CNTNAP2: variants seen among roughly 807,000 people sequenced by gnomAD.
The protein encoded by CNTNAP2 is contactin-associated protein-like 2.
CNTNAP2 carries 98 observed loss-of-function variants against 155.2 expected under a neutral mutation model. The observed-to-expected ratio is 0.63, with a 90% CI of 0.54 to 0.75. CNTNAP2 has a LOEUF of 0.75. Ranked by LOEUF, CNTNAP2 falls within the 30% of genes least tolerant of loss-of-function variation. CNTNAP2 has a pLI of 0.00. For synonymous variants in CNTNAP2, 651 were observed against 631.2 expected, an observed-to-expected ratio of 1.03 and a Z score of -0.47; for missense variants, 1,727 against 1,688.1, an observed-to-expected ratio of 1.02 and a Z score of -0.40.
Position 146,225,605 on chromosome 7 carries a change from C to T in CNTNAP2, c.97+108632C>T, listed in dbSNP as rs117234425. On this transcript the variant is annotated intron_variant, in intron 1 of 23. Coordinates refer to ENST00000361727, the MANE Select transcript of CNTNAP2 (RefSeq NM_014141.6). ...TTCTACATATTATGTGCCAGGGAGA[C>T]GTTAGGCATTAGCAGTGCACAGACA... is the stretch of plus-strand genomic sequence containing the variant. Among the ~76,000 whole-genome samples the T allele has an allele frequency of 3.0e-3, 450 of 152,260 alleles. 1 individual carries two copies. The highest frequency in any genetic ancestry group is 5.1e-3 in the Non-Finnish European group (349 of 68,020).
At chr7:146,474,640 A>G (rs1796847997) in intron 1 of CNTNAP2, among the ~76,000 whole-genome samples, 1 of 152,186 alleles carries the variant, frequency 6.6e-6, no homozygotes, top group Non-Finnish European at 1.5e-5. Flanking sequence ...ATCTGAAAAT[A>G]GCACAGACTT....
At chr7:146,775,161 G>C (rs1802367134) in intron 2 of CNTNAP2, among the ~76,000 whole-genome samples, 1 of 152,130 alleles carries the variant, frequency 6.6e-6, no homozygotes. Flanking sequence ...GGCTTCGGTG[G>C]AGAGGGAGAA....
intron 8 of CNTNAP2, among the ~76,000 whole-genome samples, chr7:147,200,970 T>A (rs1802910292): frequency 6.6e-6 from 1 of 152,230 alleles, no homozygotes; most frequent in South Asian, 2.1e-4. Context: ...CATGTTAGTG[T>A]TTTAATATTG....
At chr7:146,762,404 G>A (rs572491753) in intron 1 of CNTNAP2, among the ~76,000 whole-genome samples, 1 of 152,142 alleles carries the variant, frequency 6.6e-6, no homozygotes, top group South Asian at 2.1e-4. Context: ...TTTGAGACCA[G>A]CCTGGCCAAC....
intron 13 of CNTNAP2, among the ~76,000 whole-genome samples, chr7:147,703,974 C>A (rs548070343): frequency 6.6e-6 from 1 of 152,234 alleles, no homozygotes; most frequent in South Asian, 2.1e-4. Context: ...CTTTCCATGC[C>A]TGGCATATTT....
chr7:146,163,620 C>T lies in CNTNAP2; in HGVS notation c.97+46647C>T, dbSNP rs192168025. Among the ~76,000 whole-genome samples, 598 of 146,338 alleles carry T rather than the reference C, an allele frequency of 4.1e-3. 4 individuals carry two copies. The highest frequency in any genetic ancestry group is 0.018 in the Middle Eastern group (5 of 274). ...ATATATATCAGGGCGTGGTGACAGA[C>T]GCCTGTAATCCTGGCTACTCGGGAA... is the stretch of plus-strand genomic sequence containing the variant. On this transcript the variant is annotated intron_variant, in intron 1 of 23. Transcript: ENST00000361727.
At chr7:147,046,751 C>T (rs554166985) in intron 4 of CNTNAP2, among the ~76,000 whole-genome samples, 26 of 152,094 alleles carry the variant, frequency 1.7e-4, no homozygotes, top group African/African-American at 4.6e-4. Flanking sequence ...AAGTTTAGGC[C>T]GGGCGCGGTG....
At chr7:147,546,047 T>C (rs1267990236) in intron 11 of CNTNAP2, among the ~76,000 whole-genome samples, 1 of 152,112 alleles carries the variant, frequency 6.6e-6, no homozygotes, top group Non-Finnish European at 1.5e-5. Flanking sequence ...GAACAGTGAG[T>C]CAATTAAACC....
chr7:146,205,228 C>T (rs1442604756), intron 1 of CNTNAP2, among the ~76,000 whole-genome samples: 8 of 151,880 alleles, frequency 5.3e-5, no homozygotes, highest in African/African-American at 1.9e-4. Context: ...TAAACAGAGA[C>T]AAGTCAAGTG....
In CNTNAP2 at chr7:147,917,094, C is replaced by T. The variant is rs1032790180; in HGVS notation, c.2255+13373C>T. On this transcript the variant is annotated intron_variant, in intron 14 of 23. Transcript: ENST00000361727. ...GTATTGCAACAATCTTCCAAAATAA[C>T]TTCCAGCCTTAAAACTCTCTTATCC... Among the ~76,000 whole-genome samples the T allele has an allele frequency of 2.0e-5, 3 of 152,234 alleles. No homozygotes were observed. In the East Asian group the frequency reaches 5.8e-4, roughly 29 times the overall value.
intron 23 of CNTNAP2, among the ~76,000 whole-genome samples, chr7:148,413,841 A>G (rs1446310138): frequency 6.6e-6 from 1 of 151,322 alleles, no homozygotes; most frequent in East Asian, 1.9e-4. Flanking sequence ...TCTACTAACA[A>G]CCTTGTCCTT....
At chr7:146,367,739 C>T (rs759439281) in intron 1 of CNTNAP2, among the ~76,000 whole-genome samples, 8 of 152,058 alleles carry the variant, frequency 5.3e-5, no homozygotes, top group African/African-American at 1.2e-4. Flanking sequence ...AATTAATGGA[C>T]ATTTTAATTA....
At chr7:147,951,572 A>G (rs1800930468) in intron 14 of CNTNAP2, among the ~76,000 whole-genome samples, 1 of 152,206 alleles carries the variant, frequency 6.6e-6, no homozygotes, top group African/African-American at 2.4e-5. Flanking sequence ...TGGGAATATA[A>G]GCAGCTGAAT....
At chr7:148,253,047 T>TAGATAGATAGAC (rs750535843) in intron 20 of CNTNAP2, among the ~76,000 whole-genome samples, 11 of 125,556 alleles carry the variant, frequency 8.8e-5, no homozygotes, top group African/African-American at 2.9e-4. Flanking sequence ...GATAGATAGA[T>TAGATAGATAGAC]AGACAGATGA....
At chr7:146,352,402 C>T (rs1417544401) in intron 1 of CNTNAP2, among the ~76,000 whole-genome samples, 1 of 151,990 alleles carries the variant, frequency 6.6e-6, no homozygotes, top group Non-Finnish European at 1.5e-5. Context: ...GAATAGTCAT[C>T]TTTTTAATTT....
chr7:147,033,050 G>A (rs1007921918), intron 3 of CNTNAP2, among the ~76,000 whole-genome samples: 3 of 150,574 alleles, frequency 2.0e-5, no homozygotes, highest in Admixed American at 6.6e-5. Flanking sequence ...CTTCTAGTAC[G>A]ATTATTCTAA....
intron 16 of CNTNAP2, among the ~76,000 whole-genome samples, chr7:148,118,713 G>A (rs530370962): frequency 6.6e-5 from 10 of 152,142 alleles, no homozygotes; most frequent in Admixed American, 2.0e-4. Flanking sequence ...AGTGACATCC[G>A]TGTGAGTTCA....
chr7:146,995,246 A>G (rs960280569), intron 3 of CNTNAP2, among the ~76,000 whole-genome samples: 1 of 152,056 alleles, frequency 6.6e-6, no homozygotes, highest in Non-Finnish European at 1.5e-5. Flanking sequence ...CATTGGTAAC[A>G]TTTAGGTTGA....
chr7:147,747,532 A>G (rs192274793), intron 13 of CNTNAP2, among the ~76,000 whole-genome samples: 2 of 152,104 alleles, frequency 1.3e-5, no homozygotes, highest in Non-Finnish European at 2.9e-5. Context: ...TATCTTTGCT[A>G]TTGTGAACAG....
Sources: gnomAD v4.1 joint callset for allele counts (sites outside exome capture counted in the v4.1 genomes callset) on GRCh38, gnomAD v4.1.1 for gene constraint, MANE v1.5 for transcripts, NCBI Gene and HGNC (gene_info 2026-07-23, HGNC 2026-07-21) for gene names.